The following CSMD1 variants were observed in gnomAD, a reference collection of about 807,000 sequenced individuals.
CSMD1 encodes CUB and Sushi multiple domains 1.
CSMD1 carries 213 observed loss-of-function variants against 417.5 expected under a neutral mutation model. The observed-to-expected ratio is 0.51, with a 90% confidence interval of 0.46 to 0.57. CSMD1 has a LOEUF of 0.57. CSMD1 is among the 20% of genes least tolerant of loss of function. The probability of loss-of-function intolerance (pLI) is 0.00; values close to 1 mark genes in which losing one functional copy is unlikely to be tolerated. For synonymous variants in CSMD1, 2,862 were observed against 1,736.8 expected (o/e 1.65, Z -16.11); for missense variants, 6,923 against 4,529.7 (o/e 1.53, Z -15.17).
chr8:4,120,023 T>C (rs532553248), intron 3 of CSMD1, among the ~76,000 whole-genome samples: 1 of 152,278 alleles, frequency 6.6e-6, no homozygotes, highest in Admixed American at 6.5e-5. Flanking sequence ...CAGTTGATGA[T>C]AATTTAATTG....
Position 3,279,662 on chromosome 8 carries a change from T to C in CSMD1, c.4153+4482A>G, listed in dbSNP as rs771969652. ...CTGGGTGATTTATAAAGGAAAGAGG[T>C]TTAATTAACTCACAGTTCAGCATGG... On this transcript the variant is annotated intron_variant, in intron 26 of 69. Coordinates refer to ENST00000635120, the MANE Select transcript of CSMD1 (RefSeq NM_033225.6). Among the ~76,000 whole-genome samples, 11 of 151,920 alleles carry C rather than the reference T, an allele frequency of 7.2e-5. No individual in the cohort carries two copies. In the East Asian group the frequency reaches 9.7e-4, roughly 13 times the overall value.
At chr8:4,171,641 G>A (rs1355930841) in intron 3 of CSMD1, among the ~76,000 whole-genome samples, 1 of 151,334 alleles carries the variant, frequency 6.6e-6, no homozygotes, top group African/African-American at 2.4e-5. Flanking sequence ...TCCCAAACTT[G>A]CCTGTTTTTT....
intron 26 of CSMD1, among the ~76,000 whole-genome samples, chr8:3,255,280 C>A (rs1164644180): frequency 6.6e-6 from 1 of 151,928 alleles, no homozygotes; most frequent in African/African-American, 2.4e-5. Flanking sequence ...TCTGCCCCTA[C>A]TGGGGGATGC....
intron 30 of CSMD1, among the ~76,000 whole-genome samples, chr8:3,209,295 A>C (rs78643897): frequency 9.7e-4 from 1 of 1,036 alleles, no homozygotes; most frequent in Non-Finnish European, 6.3e-3. Flanking sequence ...TTGTTTGTTT[A>C]TTTATTTATT....
At chr8:4,340,406 C>T (rs950715846) in intron 3 of CSMD1, among the ~76,000 whole-genome samples, 1 of 152,064 alleles carries the variant, frequency 6.6e-6, no homozygotes, top group South Asian at 2.1e-4. Context: ...GTTTGCTTTA[C>T]CATTGGCCAA....
At chr8:3,768,676 T>C (rs1798413279) in intron 5 of CSMD1, among the ~76,000 whole-genome samples, 1 of 152,230 alleles carries the variant, frequency 6.6e-6, no homozygotes, top group Non-Finnish European at 1.5e-5. Flanking sequence ...AGTGTTGTGT[T>C]ATTGCTCCTT....
chr8:4,054,959 T>A (rs1743470879), intron 3 of CSMD1, among the ~76,000 whole-genome samples: 1 of 152,190 alleles, frequency 6.6e-6, no homozygotes, highest in Admixed American at 6.6e-5. Flanking sequence ...CATCAAAAGT[T>A]TTCACTTACA....
At chr8:4,595,361 C>A (rs1402060293) in intron 2 of CSMD1, among the ~76,000 whole-genome samples, 1 of 53,084 alleles carries the variant, frequency 1.9e-5, no homozygotes, top group African/African-American at 4.1e-5. Flanking sequence ...TCTGTTTATT[C>A]ATTTGTCTAT....
At chr8:4,972,175 A>G (rs1810277355) in intron 1 of CSMD1, among the ~76,000 whole-genome samples, 1 of 152,146 alleles carries the variant, frequency 6.6e-6, no homozygotes, top group Admixed American at 6.6e-5. Flanking sequence ...CGTAGAAGTT[A>G]TAAAAACAGA....
chr8:3,949,659 G>C (rs1206449007), intron 5 of CSMD1, among the ~76,000 whole-genome samples: 2 of 152,064 alleles, frequency 1.3e-5, no homozygotes, highest in Non-Finnish European at 2.9e-5. Flanking sequence ...GGGCAACGAG[G>C]ATGAGAGAAA....
intron 36 of CSMD1, chr8:3,183,056 C>A (rs1666434751): frequency 6.6e-6 from 1 of 151,896 alleles, no homozygotes. Flanking sequence ...CCGCACCCGG[C>A]CTAGAAGAGG....
At chr8:4,032,348 T>C (rs754818873) in intron 3 of CSMD1, among the ~76,000 whole-genome samples, 2 of 152,228 alleles carry the variant, frequency 1.3e-5, no homozygotes, top group African/African-American at 2.4e-5. Context: ...AAAAATATAG[T>C]CCTGCTTTTA....
At chr8:3,387,740 A>G (rs1464554704) in intron 17 of CSMD1, 58 bp from the exon 18 acceptor site, 7 of 1,386,758 alleles carry the variant, frequency 5.0e-6, no homozygotes, top group African/African-American at 2.9e-5. Context: ...TGAAAATAAT[A>G]GAGACCCACG....
intron 46 of CSMD1, among the ~76,000 whole-genome samples, chr8:3,102,499 T>C (rs1585353381): frequency 6.6e-6 from 1 of 152,274 alleles, no homozygotes; most frequent in Non-Finnish European, 1.5e-5. Context: ...TGTAACTGTC[T>C]GTGACAAATG....
At chr8:3,802,065 G>C (rs182169313) in intron 5 of CSMD1, among the ~76,000 whole-genome samples, 1 of 152,108 alleles carries the variant, frequency 6.6e-6, no homozygotes, top group Non-Finnish European at 1.5e-5. Flanking sequence ...CACACTTTAT[G>C]TGGATAAACT....
At chr8:4,030,240 T>G (rs1170837845) in intron 4 of CSMD1, among the ~76,000 whole-genome samples, 3 of 152,160 alleles carry the variant, frequency 2.0e-5, no homozygotes, top group Non-Finnish European at 4.4e-5. Context: ...GGGGGAGCTC[T>G]GACCCCACAT....
In CSMD1 at chr8:3,975,712, G is replaced by C. The variant is rs114993057; in HGVS notation, c.818+22191C>G. Among the ~76,000 whole-genome samples the C allele has an allele frequency of 4.2e-3, 632 of 152,260 alleles. 6 individuals are homozygous for C. The highest frequency in any genetic ancestry group is 0.015 in the African/African-American group (606 of 41,542). On this transcript the variant is annotated intron_variant, in intron 5 of 69. Coordinates refer to ENST00000635120, the MANE Select transcript of CSMD1 (RefSeq NM_033225.6). ...GGATTTAAAAGCCATGGTTGACAAC[G>C]ACTTCATTACATGCAAACTTTAAAA...
intron 12 of CSMD1, among the ~76,000 whole-genome samples, chr8:3,428,054 C>A (rs893633452): frequency 2.6e-5 from 4 of 152,172 alleles, no homozygotes; most frequent in Non-Finnish European, 5.9e-5. Flanking sequence ...TTGCGTCTAC[C>A]ATTACTTATA....
In CSMD1 at chr8:3,585,825, T is replaced by C. The variant is rs146272529; in HGVS notation, c.1222+311A>G. Among the ~76,000 whole-genome samples, 424 of 152,312 alleles carry C rather than the reference T, an allele frequency of 2.8e-3. 6 individuals carry two copies. The highest frequency in any genetic ancestry group is 9.7e-3 in the African/African-American group (404 of 41,566). The stretch of plus-strand genomic sequence containing the variant: ...CAGAAACCTTTCCGGCAGGTCCAGC[T>C]GTGGGACATATATTCACACACATGC... On this transcript the variant is annotated intron_variant, in intron 9 of 69. Transcript: ENST00000635120.
Sources: gnomAD v4.1 joint callset for allele counts (sites outside exome capture counted in the v4.1 genomes callset) on GRCh38, gnomAD v4.1.1 for gene constraint, MANE v1.5 for transcripts, NCBI Gene and HGNC (gene_info 2026-07-23, HGNC 2026-07-21) for gene names.